AGBL4: variants seen among roughly 807,000 people sequenced by gnomAD.
AGBL4 encodes cytosolic carboxypeptidase 6.
AGBL4 carries 58 observed loss-of-function variants against 66.4 expected under a neutral mutation model. The observed-to-expected ratio is 0.87, with a 90% CI of 0.71 to 1.09. The LOEUF is 1.09. Ranked by LOEUF, AGBL4 falls within the 50% of genes least tolerant of loss-of-function variation. The probability of loss-of-function intolerance (pLI) is 0.00; values close to 1 mark genes in which losing one functional copy is unlikely to be tolerated. For missense variants in AGBL4, 579 were observed against 631.0 expected (o/e 0.92, Z 0.88); for synonymous variants, 234 against 222.9 (o/e 1.05, Z -0.44).
At chr1:49,137,806 A>G (rs1646041589) in intron 4 of AGBL4, among the ~76,000 whole-genome samples, 1 of 152,132 alleles carries the variant, frequency 6.6e-6, no homozygotes, top group Admixed American at 6.6e-5. Context: ...ATCTTCTCAG[A>G]CATTTAAATC....
chr1:48,751,030 T>C (rs1438789948), intron 6 of AGBL4, among the ~76,000 whole-genome samples: 1 of 152,212 alleles, frequency 6.6e-6, no homozygotes, highest in East Asian at 1.9e-4. Flanking sequence ...CTTCATGATA[T>C]AGCATTCATG....
At chr1:49,128,164 G>A (rs1205562941) in intron 4 of AGBL4, among the ~76,000 whole-genome samples, 1 of 151,968 alleles carries the variant, frequency 6.6e-6, no homozygotes, top group Non-Finnish European at 1.5e-5. Context: ...AAAAATCCAT[G>A]AACATCTGAG....
chr1:49,576,458 G>A (rs1644438415), intron 3 of AGBL4, among the ~76,000 whole-genome samples: 1 of 152,146 alleles, frequency 6.6e-6, no homozygotes, highest in African/African-American at 2.4e-5. Context: ...TTGGAGCAAG[G>A]CCCTGCCATT....
At chr1:49,033,053 C>T (rs909001536) in intron 5 of AGBL4, among the ~76,000 whole-genome samples, 8 of 152,012 alleles carry the variant, frequency 5.3e-5, no homozygotes, top group African/African-American at 1.9e-4. Flanking sequence ...CTTATTCATC[C>T]AGGGTTAAGG....
chr1:49,641,049 C>T (rs1446393793), intron 3 of AGBL4, among the ~76,000 whole-genome samples: 1 of 152,022 alleles, frequency 6.6e-6, no homozygotes. Context: ...CATAATAAAC[C>T]TGCAAATGCA....
intron 3 of AGBL4, among the ~76,000 whole-genome samples, chr1:49,374,499 C>G (rs1042610934): frequency 6.6e-6 from 1 of 152,096 alleles, no homozygotes; most frequent in Admixed American, 6.6e-5. Flanking sequence ...GGTCCCTTTC[C>G]AAAGCCCCTC....
intron 1 of AGBL4, among the ~76,000 whole-genome samples, chr1:49,859,061 A>C (rs2148078813): frequency 6.6e-6 from 1 of 152,334 alleles, no homozygotes; most frequent in East Asian, 1.9e-4. Context: ...TAGAAATAAA[A>C]GATGAAATAT....
intron 3 of AGBL4, among the ~76,000 whole-genome samples, chr1:49,355,194 T>C (rs1389686673): frequency 6.6e-6 from 1 of 152,198 alleles, no homozygotes; most frequent in Non-Finnish European, 1.5e-5. Flanking sequence ...AACTACTTAA[T>C]TGAAATTTCA....
At chr1:49,387,687 T>C (rs1262102008) in intron 3 of AGBL4, among the ~76,000 whole-genome samples, 1 of 152,076 alleles carries the variant, frequency 6.6e-6, no homozygotes, top group African/African-American at 2.4e-5. Context: ...TTTCTATGTT[T>C]TCAAAACACC....
At chr1:49,001,929 ACT>A (rs1230923992) in intron 5 of AGBL4, among the ~76,000 whole-genome samples, 1 of 152,088 alleles carries the variant, frequency 6.6e-6, no homozygotes, top group African/African-American at 2.4e-5. Flanking sequence ...AACTCCCTTA[ACT>A]CTCTGTTTCT....
intron 6 of AGBL4, among the ~76,000 whole-genome samples, chr1:48,696,124 T>G (rs951566465): frequency 1.3e-5 from 2 of 152,088 alleles, no homozygotes; most frequent in Non-Finnish European, 2.9e-5. Flanking sequence ...AAAGGAGGTA[T>G]TCGAAATATT....
chr1:48,658,756 G>T (rs1570159093), intron 7 of AGBL4, among the ~76,000 whole-genome samples: 1 of 152,220 alleles, frequency 6.6e-6, no homozygotes, highest in South Asian at 2.1e-4. Context: ...GAGGAGCAAA[G>T]GTCACTACCT....
At chr1:49,310,076 C>T (rs1263107867) in intron 3 of AGBL4, among the ~76,000 whole-genome samples, 1 of 151,808 alleles carries the variant, frequency 6.6e-6, no homozygotes, top group African/African-American at 2.4e-5. Flanking sequence ...AAGACTATTC[C>T]AGATAAAGAC....
chr1:49,932,071 A>T (rs1268294191), intron 1 of AGBL4, among the ~76,000 whole-genome samples: 1 of 152,116 alleles, frequency 6.6e-6, no homozygotes, highest in Non-Finnish European at 1.5e-5. Flanking sequence ...ATTCCAAAAT[A>T]AAAAAAATCC....
downstream of AGBL4, among the ~76,000 whole-genome samples, chr1:48,530,537 A>G (rs1024413691): frequency 6.6e-6 from 1 of 152,294 alleles, no homozygotes; most frequent in East Asian, 1.9e-4. Flanking sequence ...TTTAAAAGGC[A>G]ATAGAAAAAG....
chr1:49,633,727 T>A (rs1459502282), intron 3 of AGBL4, among the ~76,000 whole-genome samples: 2 of 151,542 alleles, frequency 1.3e-5, no homozygotes, highest in African/African-American at 4.8e-5. Flanking sequence ...TTCTTCATGA[T>A]CACACTATAA....
intron 1 of AGBL4, among the ~76,000 whole-genome samples, chr1:49,981,891 G>A (rs529494778): frequency 6.6e-6 from 1 of 152,054 alleles, no homozygotes; most frequent in Admixed American, 6.5e-5. Context: ...TCCTCTATGT[G>A]TTCCTTAAAT....
chr1:49,830,486 C>A (rs1188863519), intron 2 of AGBL4, among the ~76,000 whole-genome samples: 1 of 152,014 alleles, frequency 6.6e-6, no homozygotes, highest in Admixed American at 6.6e-5. Flanking sequence ...AATTTAAGTT[C>A]TTTGTAGATT....
At chr1:48,727,043 C>A (rs1163720454) in intron 6 of AGBL4, among the ~76,000 whole-genome samples, 1 of 152,194 alleles carries the variant, frequency 6.6e-6, no homozygotes, top group African/African-American at 2.4e-5. Context: ...ACAGGAAGTT[C>A]TAATGTGGTT....
Sources: allele counts gnomAD v4.1 joint callset (sites outside exome capture counted in the v4.1 genomes callset), GRCh38; gene constraint gnomAD v4.1.1; transcripts MANE v1.5; gene names NCBI Gene and HGNC (gene_info 2026-07-23, HGNC 2026-07-21).